The following PAX3 variants were observed in gnomAD, a reference collection of about 807,000 sequenced individuals.
PAX3 encodes paired box 3.
PAX3 carries 14 observed loss-of-function variants against 51.6 expected under a neutral mutation model. That is an observed-to-expected ratio of 0.27 (90% confidence interval 0.18 to 0.42). The LOEUF (loss-of-function observed/expected upper bound fraction) is 0.42. Among genes scored for constraint, PAX3 ranks in the 10% least tolerant of loss-of-function variants. PAX3 has a pLI of 1.00. For missense variants in PAX3, 540 were observed against 642.8 expected (o/e 0.84, Z 1.73); for synonymous variants, 280 against 253.4 (o/e 1.11, Z -1.00).
chr2:222,243,664 C>T (rs1369321081), intron 4 of PAX3, among the ~76,000 whole-genome samples: 1 of 152,146 alleles, frequency 6.6e-6, no homozygotes, highest in African/African-American at 2.4e-5. Flanking sequence ...CAAAATAATA[C>T]ATAAATGCTT....
chr2:222,202,272 A>C, intron 7 of PAX3, 82 bp from the exon 8 acceptor site: 1 of 1,077,190 alleles, frequency 9.3e-7, no homozygotes. Context: ...ATAACTTGAC[A>C]GTCCAGTTTT....
At position 222,253,633 on chromosome 2, in the gene PAX3, C is replaced by CTT. The variant is rs5838943; in HGVS notation, c.587-21352_587-21351dup. Among the ~76,000 whole-genome samples, 326 of 146,508 alleles carry CTT rather than the reference C, an allele frequency of 2.2e-3. 1 individual carries two copies. Among genetic ancestry groups the CTT allele is most frequent in the Middle Eastern group, 7.0e-3 (2 of 286 alleles). On this transcript the variant is annotated intron_variant, in intron 4 of 8. Transcript: ENST00000392070. ...TTAACAACCTCACTACAAAACTTTT[C>CTT]TTTTTTTTTTTTCTTTCTTTTTCTT...
At chr2:222,221,556 A>T (rs567419975) in intron 5 of PAX3, 169 bp from the exon 6 acceptor site, 22 of 665,272 alleles carry the variant, frequency 3.3e-5, no homozygotes, top group African/African-American at 2.9e-4. Flanking sequence ...GTAAAAGAAG[A>T]GTTTAGTGTC....
chr2:222,201,240 A>G lies in PAX3; in HGVS notation c.*168T>C. On this transcript the variant is annotated 3_prime_UTR_variant, in exon 9 of 9. Coordinates refer to ENST00000392070, the MANE Select transcript of PAX3 (RefSeq NM_181458.4). Reference sequence around the variant, plus strand: ...ACGTGTTCAAAAGGATTTGAAACCAACTATTGGAGGAAGAAAATCAATCAC... The same window carrying G: ...ACGTGTTCAAAAGGATTTGAAACCAGCTATTGGAGGAAGAAAATCAATCAC... 6.2e-7 allele frequency: 1 copy of G among 1,614,012 alleles called. No homozygotes were observed. The highest frequency in any genetic ancestry group is 8.5e-7 in the Non-Finnish European group (1 of 1,179,988).
At chr2:222,268,223 A>T (rs1486410352) in intron 4 of PAX3, among the ~76,000 whole-genome samples, 1 of 152,028 alleles carries the variant, frequency 6.6e-6, no homozygotes, top group Non-Finnish European at 1.5e-5. Flanking sequence ...CACATATTCG[A>T]CCTATCTGCA....
chr2:222,295,794 T>A, intron 2 of PAX3, 137 bp from the exon 3 acceptor site: 1 of 966,646 alleles, frequency 1.0e-6, no homozygotes, highest in Non-Finnish European at 1.7e-6. Flanking sequence ...CAAAAAGACC[T>A]GAACTCTCTG....
At chr2:222,255,303 T>C (rs1559289240) in intron 4 of PAX3, among the ~76,000 whole-genome samples, 1 of 152,024 alleles carries the variant, frequency 6.6e-6, no homozygotes, top group Non-Finnish European at 1.5e-5. Flanking sequence ...TGCCTAAATA[T>C]GGTGAAGGCT....
chr2:222,203,375 G>GC (rs1223261980), intron 7 of PAX3, among the ~76,000 whole-genome samples: 3 of 151,742 alleles, frequency 2.0e-5, no homozygotes, highest in South Asian at 2.1e-4. Flanking sequence ...CAGGTCAAGA[G>GC]CCCCCCCGAA....
intron 4 of PAX3, among the ~76,000 whole-genome samples, chr2:222,275,916 T>C (rs1482636146): frequency 3.9e-5 from 6 of 152,252 alleles, no homozygotes; most frequent in Admixed American, 3.9e-4. Flanking sequence ...GAGCAAACTC[T>C]TGTTTGCCCC....
intron 4 of PAX3, among the ~76,000 whole-genome samples, chr2:222,288,675 A>G (rs767095495): frequency 1.3e-5 from 2 of 152,226 alleles, no homozygotes; most frequent in Non-Finnish European, 1.5e-5. Flanking sequence ...ATGAGAATCT[A>G]TTTGATGATA....
intron 4 of PAX3, among the ~76,000 whole-genome samples, chr2:222,276,087 T>C (rs1390277069): frequency 6.6e-6 from 1 of 152,226 alleles, no homozygotes; most frequent in Non-Finnish European, 1.5e-5. Flanking sequence ...TGTGTGTCCC[T>C]TTCTGGACAC....
rs1346459420 is a variant in PAX3 at position 222,202,065 on chromosome 2, T to C, written c.1299A>G (p.Leu433=). Residue 433 remains leucine (L), a synonymous_variant, in exon 8 of 9, where the codon CTA becomes CTG. Coordinates refer to ENST00000392070, the MANE Select transcript of PAX3 (RefSeq NM_181458.4). ...GACTGTCCAAGCTCTTCATATGGTC[T>C]AGTCTCTGACTGCAGCTGGCCGACA... ...TTVSASCSQR[L]DHMKSLDSLP... 1 of 1,613,966 alleles carries C rather than the reference T, an allele frequency of 6.2e-7. No homozygotes were observed. Among genetic ancestry groups the C allele is most frequent in the African/African-American group, 1.3e-5 (1 of 74,922 alleles).
At chr2:222,277,247 C>T (rs1461680274) in intron 4 of PAX3, among the ~76,000 whole-genome samples, 3 of 152,140 alleles carry the variant, frequency 2.0e-5, no homozygotes, top group Admixed American at 6.5e-5. Context: ...CTAGCTGTGG[C>T]TGGGGGTTGG....
chr2:222,262,673 A>G (rs1374677464), intron 4 of PAX3: 1 of 152,140 alleles, frequency 6.6e-6, no homozygotes, highest in Non-Finnish European at 1.5e-5. Context: ...TAGAATAGCT[A>G]AAAACAATTT....
intron 4 of PAX3, among the ~76,000 whole-genome samples, chr2:222,247,281 G>A (rs1489342734): frequency 1.3e-5 from 2 of 152,198 alleles, no homozygotes; most frequent in African/African-American, 4.8e-5. Flanking sequence ...TCTGCACAGA[G>A]AGAGTGACAA....
At chr2:222,245,143 C>T (rs775415224) in intron 4 of PAX3, among the ~76,000 whole-genome samples, 1 of 151,802 alleles carries the variant, frequency 6.6e-6, no homozygotes, top group Non-Finnish European at 1.5e-5. Context: ...ACGAGACTGT[C>T]TCAAAAAAAG....
At chr2:222,225,087 T>A (rs925202640) in intron 5 of PAX3, among the ~76,000 whole-genome samples, 1 of 152,188 alleles carries the variant, frequency 6.6e-6, no homozygotes, top group African/African-American at 2.4e-5. Flanking sequence ...GTTAAGGAAG[T>A]GGGGGCAGGA....
intron 5 of PAX3, among the ~76,000 whole-genome samples, chr2:222,227,532 C>T (rs1187365967): frequency 6.6e-6 from 1 of 152,096 alleles, no homozygotes; most frequent in Non-Finnish European, 1.5e-5. Flanking sequence ...GCAGAGGTTG[C>T]AGTGAGCAGA....
At chr2:222,267,934 G>A (rs1465618283) in intron 4 of PAX3, among the ~76,000 whole-genome samples, 1 of 152,190 alleles carries the variant, frequency 6.6e-6, no homozygotes, top group East Asian at 1.9e-4. Flanking sequence ...TCAAGCATCA[G>A]TATATGACTG....
Sources: gnomAD v4.1 joint callset for allele counts (sites outside exome capture counted in the v4.1 genomes callset) on GRCh38, gnomAD v4.1.1 for gene constraint, MANE v1.5 for transcripts, NCBI Gene and HGNC (gene_info 2026-07-23, HGNC 2026-07-21) for gene names.